The following SLC25A33 variants were observed in gnomAD, a reference collection of about 807,000 sequenced individuals.
The protein encoded by SLC25A33 is solute carrier family 25 member 33.
Under a neutral mutation model 35.5 loss-of-function variants are expected in SLC25A33, and 15 were observed. The ratio of observed to expected loss-of-function variants is 0.42; its 90% CI spans 0.28 to 0.65. The LOEUF is 0.65. Among genes scored for constraint, SLC25A33 ranks in the 30% least tolerant of loss-of-function variants. The pLI, the probability that SLC25A33 is intolerant of heterozygous loss-of-function variation, is 0.20. For synonymous variants in SLC25A33, 136 were observed against 148.7 expected (o/e 0.91, Z 0.62); for missense variants, 257 against 398.5 (o/e 0.64, Z 3.02).
At chr1:9,569,081 A>C (rs1161870428) in intron 3 of SLC25A33, among the ~76,000 whole-genome samples, 1 of 151,934 alleles carries the variant, frequency 6.6e-6, no homozygotes, top group Non-Finnish European at 1.5e-5. Flanking sequence ...CCCCATCTCT[A>C]CAAAAATACA....
intron 4 of SLC25A33, among the ~76,000 whole-genome samples, chr1:9,572,493 C>A (rs888840987): frequency 6.6e-6 from 1 of 151,980 alleles, no homozygotes. Context: ...TGGCGGGCAC[C>A]TGTAGTCCCA....
intron 2 of SLC25A33, among the ~76,000 whole-genome samples, chr1:9,563,976 C>T (rs530464890): frequency 1.1e-4 from 17 of 152,094 alleles, no homozygotes; most frequent in Non-Finnish European, 1.0e-4. Context: ...TAACTTTTGA[C>T]TAGCATATGA....
At chr1:9,581,636 G>A (rs1476563228) in intron 6 of SLC25A33, among the ~76,000 whole-genome samples, 2 of 151,706 alleles carry the variant, frequency 1.3e-5, no homozygotes, top group Non-Finnish European at 2.9e-5. Context: ...GGCTGAGGCA[G>A]GAGAATCACT....
At chr1:9,541,698 T>A (rs1200653119) in intron 1 of SLC25A33, among the ~76,000 whole-genome samples, 2 of 151,056 alleles carry the variant, frequency 1.3e-5, no homozygotes, top group Non-Finnish European at 2.9e-5. Context: ...TTTTTTTTTT[T>A]GTCTCACACG....
At chr1:9,579,457 G>A (rs968012409) in intron 5 of SLC25A33, among the ~76,000 whole-genome samples, 1 of 152,166 alleles carries the variant, frequency 6.6e-6, no homozygotes, top group African/African-American at 2.4e-5. Context: ...ACAGAACTCA[G>A]GGAAACACTT....
At position 9,579,928 on chromosome 1, in the gene SLC25A33, A is replaced by G. The variant is rs369946187; in HGVS notation, c.483-26A>G. The G allele has an allele frequency of 1.1e-5, 18 of 1,598,158 alleles. No homozygotes were observed. The African/African-American group carries it at 2.3e-4, about 20-fold the overall frequency. Reference sequence around the variant, plus strand: ...TTCCACCATGATATGTCTCCTTAACAGCCTGTGTTGGTCTCTTTTATGCAG... The same window carrying G: ...TTCCACCATGATATGTCTCCTTAACGGCCTGTGTTGGTCTCTTTTATGCAG... On this transcript the variant is annotated intron_variant, in intron 5 of 6. Transcript: ENST00000302692.
At chr1:9,562,258 G>A (rs1472843354) in intron 2 of SLC25A33, among the ~76,000 whole-genome samples, 1 of 144,408 alleles carries the variant, frequency 6.9e-6, no homozygotes. Context: ...TGAGGAAGGA[G>A]AATCACTTGA....
At chr1:9,557,180 G>A (rs1214067040) in intron 2 of SLC25A33, among the ~76,000 whole-genome samples, 1 of 152,190 alleles carries the variant, frequency 6.6e-6, no homozygotes, top group Non-Finnish European at 1.5e-5. Flanking sequence ...TGATCTGCCC[G>A]CCTTGGCCTC....
At chr1:9,567,155 T>C in intron 2 of SLC25A33, 129 bp from the exon 3 acceptor site, 1 of 752,174 alleles carries the variant, frequency 1.3e-6, no homozygotes, top group East Asian at 2.5e-5. Flanking sequence ...CCAAATCAGA[T>C]AAGAGTCGAG....
intron 1 of SLC25A33, among the ~76,000 whole-genome samples, chr1:9,545,560 G>A (rs1643154800): frequency 6.6e-6 from 1 of 151,836 alleles, no homozygotes; most frequent in South Asian, 2.1e-4. Context: ...ACCACGCCTG[G>A]CTAATTTTTT....
At position 9,539,686 on chromosome 1, in the gene SLC25A33, G is replaced by T; in HGVS notation, c.-6G>T. The T allele has an allele frequency of 3.6e-6, 5 of 1,375,058 alleles. No homozygotes were observed. Among genetic ancestry groups the T allele is most frequent in the Non-Finnish European group, 4.7e-6 (5 of 1,065,090 alleles). The allele number at this position is 1,375,058 out of a possible 1,614,324, so 85.2% of individuals were successfully genotyped here. ...GGCGGCGACGGGCCGCGGAGCCGGC[G>T]CGGCCATGGCGACGGGCGGCCAGCA... is the stretch of plus-strand genomic sequence containing the variant. On this transcript the variant is annotated 5_prime_UTR_variant, in exon 1 of 7. Coordinates refer to ENST00000302692, the MANE Select transcript of SLC25A33 (RefSeq NM_032315.3).
chr1:9,550,248 G>T (rs968289221), intron 1 of SLC25A33, among the ~76,000 whole-genome samples: 2 of 148,634 alleles, frequency 1.3e-5, no homozygotes, highest in African/African-American at 4.9e-5. Context: ...AAAAAAAAAA[G>T]TGAGTGTGGC....
At chr1:9,571,914 C>T (rs1032086514) in intron 4 of SLC25A33, among the ~76,000 whole-genome samples, 1 of 152,046 alleles carries the variant, frequency 6.6e-6, no homozygotes, top group African/African-American at 2.4e-5. Flanking sequence ...GTGCTGGGAT[C>T]GCAGGCATAA....
rs537157271 is a variant in SLC25A33, at chr1:9,575,539, C to T, written c.482+2127C>T. 2.6e-5 allele frequency among the ~76,000 whole-genome samples: 4 copies of T among 151,036 alleles called. No homozygotes were observed. In the East Asian group the frequency reaches 6.0e-4, roughly 23 times the overall value. The stretch of plus-strand genomic sequence containing the variant: ...GTGAGGCAGGAGAATCACTTGAACC[C>T]GGGAGGTGGAGGTTGCAGTGAGCCG... On this transcript the variant is annotated intron_variant, in intron 5 of 6. Coordinates refer to ENST00000302692, the MANE Select transcript of SLC25A33 (RefSeq NM_032315.3).
rs1364245714 is a variant in SLC25A33 at position 9,584,520 on chromosome 1, C to T, written c.*2019C>T. 6.6e-6 allele frequency: 1 copy of T among 152,342 alleles called. No homozygotes were observed. The highest frequency in any genetic ancestry group is 6.5e-5 in the Admixed American group (1 of 15,284). 9.4% of individuals were successfully genotyped at this position (152,342 alleles called of 1,614,324 possible). A position where few individuals can be genotyped will look rare whatever the true frequency, so the allele number is the denominator to read the frequency against. On this transcript the variant is annotated 3_prime_UTR_variant, in exon 7 of 7. Coordinates refer to ENST00000302692, the MANE Select transcript of SLC25A33 (RefSeq NM_032315.3). ...TTTCAAGCAATTCTCCTGTCTTAGC[C>T]TCCTGAGTAGCTGGGACTACAGGCA... is the stretch of plus-strand genomic sequence containing the variant.
intron 2 of SLC25A33, among the ~76,000 whole-genome samples, chr1:9,557,527 C>T (rs1415338240): frequency 6.6e-6 from 1 of 151,440 alleles, no homozygotes; most frequent in African/African-American, 2.4e-5. Flanking sequence ...GGCGAAATCC[C>T]ATCTCTACAA....
rs953597442 is a variant in SLC25A33, at chr1:9,578,338, C to G, written c.483-1616C>G. Among the ~76,000 whole-genome samples, 1 of 152,218 alleles carries G rather than the reference C, an allele frequency of 6.6e-6. No individual in the cohort carries two copies. The highest frequency in any genetic ancestry group is 2.4e-5 in the African/African-American group (1 of 41,452). On this transcript the variant is annotated intron_variant, in intron 5 of 6. Transcript: ENST00000302692. This position sits in a 1 kb window ranked among gnomAD's most constrained non-coding sequence, Gnocchi z 4.3. ...AAGAAGGGAGAGAGGCCAGCTGAGA[C>G]TGAAGCCCAAGGGGCCCCAGGTCTG... is the stretch of plus-strand genomic sequence containing the variant.
At chr1:9,540,204 C>T (rs569667545) in intron 1 of SLC25A33, among the ~76,000 whole-genome samples, 1 of 152,132 alleles carries the variant, frequency 6.6e-6, no homozygotes, top group South Asian at 2.1e-4. Flanking sequence ...GGGAGGTCAT[C>T]CGGACGGGCA....
chr1:9,550,930 G>C (rs1028499490), intron 1 of SLC25A33, among the ~76,000 whole-genome samples: 1 of 151,650 alleles, frequency 6.6e-6, no homozygotes, highest in African/African-American at 2.4e-5. Context: ...CACCCATCTC[G>C]GCCTCCTAAA....
Sources: allele counts gnomAD v4.1 joint callset (sites outside exome capture counted in the v4.1 genomes callset), GRCh38; gene constraint gnomAD v4.1.1; non-coding constraint Gnocchi (gnomAD v3.1); transcripts MANE v1.5; gene names NCBI Gene and HGNC (gene_info 2026-07-23, HGNC 2026-07-21).